The following SPEG variants were observed in gnomAD, a reference collection of about 807,000 sequenced individuals.
SPEG encodes the protein striated muscle preferentially expressed protein kinase.
Under a neutral mutation model 300.4 loss-of-function variants are expected in SPEG, and 114 were observed. The ratio of observed to expected loss-of-function variants is 0.38; its 90% CI spans 0.33 to 0.44. The LOEUF is 0.44. Among genes scored for constraint, SPEG ranks in the 20% least tolerant of loss-of-function variants. The pLI, the probability that SPEG is intolerant of heterozygous loss-of-function variation, is 1.00. For missense variants in SPEG, 4,201 were observed against 4,586.2 expected (o/e 0.92, Z 2.43); for synonymous variants, 1,964 against 2,018.9 (o/e 0.97, Z 0.73).
In SPEG at chr2:219,472,884, C is replaced by T. The variant is rs377296068; in HGVS notation, c.3941-6C>T. On this transcript the variant is annotated splice_region_variant and splice_polypyrimidine_tract_variant and intron_variant, in intron 15 of 40. Transcript: ENST00000312358. Reference sequence around the variant, plus strand: ...CAGCAGCCTCTAGTAGCTCCTCTCCCGCCAGACCCGGACTCCCTGACGTAC... The same window carrying T: ...CAGCAGCCTCTAGTAGCTCCTCTCCTGCCAGACCCGGACTCCCTGACGTAC... The T allele has an allele frequency of 2.3e-5, 36 of 1,570,828 alleles. No individual in the cohort carries two copies. The highest frequency in any genetic ancestry group is 8.1e-5 in the African/African-American group (6 of 73,866).
chr2:219,435,717 T>C (rs1242637019), intron 1 of SPEG, among the ~76,000 whole-genome samples: 1 of 152,184 alleles, frequency 6.6e-6, no homozygotes, highest in Non-Finnish European at 1.5e-5. Context: ...AGTTCCATGA[T>C]TTAAACTTGA....
rs1368830974 is a variant in SPEG, at chr2:219,483,217, C to G, written c.5754C>G (p.Leu1918=). The change falls in exon 30 of 41, where the codon CTC becomes CTG. Residue 1918 remains leucine (L), a synonymous_variant. Coordinates refer to ENST00000312358, the MANE Select transcript of SPEG (RefSeq NM_005876.5). ...MPRRPPPSGG[L]SSSSDSEEEE... ...GAAGGCCACCCCCCAGTGGGGGGCTCTCATCCTCCTCGGATTCTGAAGAGG... is the reference window on the plus strand; with the variant it reads ...GAAGGCCACCCCCCAGTGGGGGGCTGTCATCCTCCTCGGATTCTGAAGAGG... 5 of 1,610,030 alleles carry G rather than the reference C, an allele frequency of 3.1e-6. No homozygotes were observed. In the African/African-American group the frequency reaches 6.7e-5, roughly 21 times the overall value.
rs994273892 is a variant in SPEG, at chr2:219,484,084, A to C, written c.6621A>C (p.Ala2207=). The C allele has an allele frequency of 6.2e-7, 1 of 1,611,898 alleles. No homozygotes were observed. The highest frequency in any genetic ancestry group is 8.5e-7 in the Non-Finnish European group (1 of 1,179,572). ...CTAGTGATGCTCCGCAGCCCCCCGC[A>C]CCCCAGCCTGCCCAAGACAAGGCTC... ...TTPSDAPQPP[A]PQPAQDKAPE... Residue 2207 remains alanine, a synonymous_variant, in exon 30 of 41, where the codon GCA becomes GCC. Transcript: ENST00000312358.
rs756823808 is a variant in SPEG at position 219,443,162 on chromosome 2, G to T, written c.389-1491G>T. ...CCGACTCACCCATGGTGCGTGGACC[G>T]TGGGCGTCCTTGCTCTAGCCCATGC... On this transcript the variant is annotated intron_variant, in intron 1 of 40. Coordinates refer to ENST00000312358, the MANE Select transcript of SPEG (RefSeq NM_005876.5). The surrounding 1 kb of genome is among the most constrained non-coding windows in gnomAD (Gnocchi z 4.6). The T allele has an allele frequency of 3.1e-6, 5 of 1,611,766 alleles. No homozygotes were observed. Among genetic ancestry groups the T allele is most frequent in the Non-Finnish European group, 4.2e-6 (5 of 1,178,942 alleles).
intron 9 of SPEG, chr2:219,466,137 C>G: frequency 1.3e-6 from 2 of 1,555,402 alleles, no homozygotes; most frequent in Non-Finnish European, 1.7e-6. Flanking sequence ...TCTCGGACCT[C>G]GCTGTGTTTC....
intron 6 of SPEG, among the ~76,000 whole-genome samples, chr2:219,452,477 G>C (rs376381933): frequency 1.3e-5 from 2 of 152,262 alleles, no homozygotes; most frequent in East Asian, 3.9e-4. Context: ...CATTCAGCTT[G>C]CGGGGCCTGA....
In SPEG at chr2:219,469,386, G is replaced by A. The variant is rs771613190; in HGVS notation, c.3715+7G>A. On this transcript the variant is annotated splice_region_variant and intron_variant, in intron 13 of 40. Transcript: ENST00000312358. ...GACCGGCGCATGACACAGTGTACGTGTCTGGGAAGTTCCCCGGGAGTGTCC... is the reference window on the plus strand; with the variant it reads ...GACCGGCGCATGACACAGTGTACGTATCTGGGAAGTTCCCCGGGAGTGTCC... 6.2e-6 allele frequency: 10 copies of A among 1,609,490 alleles called. No individual in the cohort carries two copies. In the Admixed American group the frequency reaches 1.5e-4, roughly 24 times the overall value.
At position 219,461,877 on chromosome 2, in the gene SPEG, T is replaced by C. The variant is rs1477505475; in HGVS notation, c.2441-5T>C. 44 of 1,613,288 alleles carry C rather than the reference T, an allele frequency of 2.7e-5. No individual in the cohort carries two copies. The highest frequency in any genetic ancestry group is 3.6e-5 in the Non-Finnish European group (43 of 1,179,590). On this transcript the variant is annotated splice_region_variant and splice_polypyrimidine_tract_variant and intron_variant, in intron 6 of 40. Coordinates refer to ENST00000312358, the MANE Select transcript of SPEG (RefSeq NM_005876.5). Reference sequence around the variant, plus strand: ...TCCCTGGTAGCTATCTCTGTCTCTCTCCAGGTGGGTCTACATCCCCTTTCA... The same window carrying C: ...TCCCTGGTAGCTATCTCTGTCTCTCCCCAGGTGGGTCTACATCCCCTTTCA...
Position 219,467,154 on chromosome 2 carries a change from C to A in SPEG, c.2882-20C>A. 2 of 1,557,458 alleles carry A rather than the reference C, an allele frequency of 1.3e-6. No homozygotes were observed. Among genetic ancestry groups the A allele is most frequent in the South Asian group, 1.2e-5 (1 of 83,840 alleles). ...GTGTCTCTGCTCTGTGCGTGGCCCC[C>A]GTGGCTGCTTTCCCCTCAGCACACC... On this transcript the variant is annotated intron_variant, in intron 9 of 40. Coordinates refer to ENST00000312358, the MANE Select transcript of SPEG (RefSeq NM_005876.5).
chr2:219,490,580 C>T lies in SPEG; in HGVS notation c.9093C>T (p.Thr3031=), dbSNP rs1693882095. Residue 3031 remains threonine (T), a synonymous_variant, in exon 37 of 41, where the codon ACC becomes ACT. Transcript: ENST00000312358. ...RIMSLHEAYI[T]PRYLVLIAES... is the part of the protein sequence containing the mutation. The stretch of plus-strand genomic sequence containing the variant: ...TGTCCCTGCACGAGGCCTACATCAC[C>T]CCTCGGTACCTCGTGCTCATTGCTG... The T allele has an allele frequency of 3.1e-6, 5 of 1,614,000 alleles. No individual in the cohort carries two copies. Among genetic ancestry groups the T allele is most frequent in the African/African-American group, 1.3e-5 (1 of 75,054 alleles).
In SPEG at chr2:219,484,109, C is replaced by T. The variant is rs967876204; in HGVS notation, c.6646C>T (p.Pro2216Ser). The T allele has an allele frequency of 6.8e-6, 11 of 1,613,500 alleles. No homozygotes were observed. The Admixed American group carries it at 1.8e-4, about 27-fold the overall frequency. The change falls in exon 30 of 41, where the codon CCA becomes TCA. Residue 2216 changes from proline to serine, a missense_variant. This residue lies in a region of SPEG where 1,578 missense variants were observed against 1,506.0 expected (regional missense o/e 1.05). Coordinates refer to ENST00000312358, the MANE Select transcript of SPEG (RefSeq NM_005876.5). ...ACCCCAGCCTGCCCAAGACAAGGCT[C>T]CAGAGCCCAGGCCAGAACCAGTCCG... ...PAPQPAQDKA[P>S]EPRPEPVRAS... is the part of the protein sequence containing the mutation.
At position 219,459,361 on chromosome 2, in the gene SPEG, CA is replaced by C. The variant is rs1380304245; in HGVS notation, c.2441-2520del. Among the ~76,000 whole-genome samples, 1 of 152,126 alleles carries C rather than the reference CA, an allele frequency of 6.6e-6. No individual in the cohort carries two copies. Among genetic ancestry groups the C allele is most frequent in the Non-Finnish European group, 1.5e-5 (1 of 68,020 alleles). ...CCAAAGATGGTTTTTGCTATGTGGC[CA>C]GGGAAAAAACTAGGTGGCACCGGAT... On this transcript the variant is annotated intron_variant, in intron 6 of 40. Coordinates refer to ENST00000312358, the MANE Select transcript of SPEG (RefSeq NM_005876.5). The surrounding 1 kb of genome is among the most constrained non-coding windows in gnomAD (Gnocchi z 4.9).
At chr2:219,441,504 G>C (rs1688913290) in intron 1 of SPEG, 1 of 469,540 alleles carries the variant, frequency 2.1e-6, no homozygotes, top group South Asian at 1.6e-5. Flanking sequence ...GGCGAGTTCG[G>C]TTCTGCCTGG....
rs1040240201 is a variant in SPEG, at chr2:219,473,825, C to T, written c.4369C>T (p.Arg1457Trp). The T allele has an allele frequency of 3.7e-6, 6 of 1,613,728 alleles. No individual in the cohort carries two copies. Among genetic ancestry groups the T allele is most frequent in the Admixed American group, 1.7e-5 (1 of 60,002 alleles). Reference protein sequence around the residue: ...YCLRICRVSRRDMGALTCTAR... With the variant: ...YCLRICRVSRWDMGALTCTAR... ...TCTTCGGATCTGCCGGGTGAGCCGCCGGGACATGGGGGCCCTCACCTGCAC... is the reference window on the plus strand; with the variant it reads ...TCTTCGGATCTGCCGGGTGAGCCGCTGGGACATGGGGGCCCTCACCTGCAC... Residue 1457 changes from arginine to tryptophan, a missense_variant, in exon 18 of 41, where the codon CGG becomes TGG. This residue lies in a region of SPEG where 1,047 missense variants were observed against 1,356.8 expected (regional missense o/e 0.77). Coordinates refer to ENST00000312358, the MANE Select transcript of SPEG (RefSeq NM_005876.5). This position sits in a 1 kb window ranked among gnomAD's most constrained non-coding sequence, Gnocchi z 4.6.
rs1480270650 is a variant in SPEG, at chr2:219,484,699, A to T, written c.7236A>T (p.Ser2412=). 2 of 1,515,090 alleles carry T rather than the reference A, an allele frequency of 1.3e-6. No homozygotes were observed. Among genetic ancestry groups the T allele is most frequent in the Non-Finnish European group, 8.8e-7 (1 of 1,140,376 alleles). 93.9% of individuals were successfully genotyped at this position (1,515,090 alleles called of 1,614,324 possible). A position where few individuals can be genotyped will look rare whatever the true frequency, so the allele number is the denominator to read the frequency against. Residue 2412 remains serine, a synonymous_variant, in exon 30 of 41, where the codon TCA becomes TCT. Coordinates refer to ENST00000312358, the MANE Select transcript of SPEG (RefSeq NM_005876.5). The part of the protein sequence containing the change: ...EPGLVRRLSL[S]LSQRLRRTPP... ...GCCTCGTCCGCCGCCTCTCGCTGTCACTGTCCCAGCGGCTGCGGCGGACCC... is the reference window on the plus strand; with the variant it reads ...GCCTCGTCCGCCGCCTCTCGCTGTCTCTGTCCCAGCGGCTGCGGCGGACCC...
chr2:219,451,112 C>T lies in SPEG; in HGVS notation c.2114-24C>T, dbSNP rs1420427052. ...TCCCTGCAGGGATCATGGCCCCTTACCCCGTTATTCCTGTGTCCGGCAGAG... is the reference window on the plus strand; with the variant it reads ...TCCCTGCAGGGATCATGGCCCCTTATCCCGTTATTCCTGTGTCCGGCAGAG... On this transcript the variant is annotated intron_variant, in intron 4 of 40. Transcript: ENST00000312358. This position sits in a 1 kb window ranked among gnomAD's most constrained non-coding sequence, Gnocchi z 6.4. The T allele has an allele frequency of 6.3e-7, 1 of 1,591,890 alleles. No homozygotes were observed. The highest frequency in any genetic ancestry group is 2.2e-5 in the East Asian group (1 of 44,528).
In SPEG at chr2:219,451,714, G is replaced by A. The variant is rs2125310010; in HGVS notation, c.2347G>A (p.Glu783Lys). The change falls in exon 6 of 41, where the codon GAG becomes AAG. Residue 783 changes from glutamate to lysine, a missense_variant. Around this residue, in one of 4 missense-constraint regions of SPEG, gnomAD observed 1,258 missense variants for 1,293.9 expected, o/e 0.97. Transcript: ENST00000312358. This position sits in a 1 kb window ranked among gnomAD's most constrained non-coding sequence, Gnocchi z 6.4. ...EGERHTLLLR[E>K]ARAADAGSYM... ...TGAGCGGCACACCCTGCTGCTCAGG[G>A]AGGCCAGGGCAGCAGATGCCGGGAG... The A allele has an allele frequency of 6.4e-7, 1 of 1,568,100 alleles. No homozygotes were observed. Among genetic ancestry groups the A allele is most frequent in the Non-Finnish European group, 8.6e-7 (1 of 1,157,452 alleles).
chr2:219,491,357 G>A (rs4674405), intron 38 of SPEG, among the ~76,000 whole-genome samples: 40,077 of 152,064 alleles, frequency 0.26, 5,417 homozygotes, highest in South Asian at 0.44. Context: ...CACACTTTAC[G>A]GATGAGGCTG....
At chr2:219,454,136 G>A (rs1406479752) in intron 6 of SPEG, among the ~76,000 whole-genome samples, 1 of 152,128 alleles carries the variant, frequency 6.6e-6, no homozygotes, top group Non-Finnish European at 1.5e-5. Context: ...GTTCCCTCTT[G>A]GGGTCCACCC....
Sources: gnomAD v4.1 joint callset for allele counts (sites outside exome capture counted in the v4.1 genomes callset) on GRCh38, gnomAD v4.1.1 for gene constraint, gnomAD v4.1.1 regional missense constraint, Gnocchi (gnomAD v3.1) non-coding constraint, MANE v1.5 for transcripts, NCBI Gene and HGNC (gene_info 2026-07-23, HGNC 2026-07-21) for gene names.